The following CAB39L variants were observed in gnomAD, a reference collection of about 807,000 sequenced individuals.
CAB39L encodes the protein calcium-binding protein 39-like.
In CAB39L, 23 loss-of-function variants were observed where a neutral mutation model predicts 39.1. The observed-to-expected ratio is 0.59, with a 90% confidence interval of 0.42 to 0.83. The LOEUF is 0.83. CAB39L is among the 40% of genes least tolerant of loss of function. The pLI, the probability that CAB39L is intolerant of heterozygous loss-of-function variation, is 0.00. For missense variants in CAB39L, 366 were observed against 391.9 expected (o/e 0.93, Z 0.56); for synonymous variants, 126 against 137.2 (o/e 0.92, Z 0.57).
intron 3 of CAB39L, chr13:49,413,186 A>G (rs1957025609): frequency 6.6e-6 from 1 of 152,230 alleles, no homozygotes; most frequent in South Asian, 2.1e-4. Flanking sequence ...AGTTTTGAAG[A>G]AAATACAAAA....
intron 3 of CAB39L, among the ~76,000 whole-genome samples, chr13:49,416,864 C>T (rs1594082591): frequency 6.6e-6 from 1 of 152,128 alleles, no homozygotes; most frequent in East Asian, 1.9e-4. Flanking sequence ...AAAACACACA[C>T]TGAGAATTAG....
At chr13:49,334,646 G>T (rs893238597) in intron 9 of CAB39L, among the ~76,000 whole-genome samples, 1 of 152,144 alleles carries the variant, frequency 6.6e-6, no homozygotes, top group Admixed American at 6.5e-5. Flanking sequence ...CTCCATAAGG[G>T]CGTGTTTCAA....
chr13:49,380,345 C>G (rs79427135), intron 4 of CAB39L, among the ~76,000 whole-genome samples: 5 of 152,288 alleles, frequency 3.3e-5, no homozygotes, highest in African/African-American at 1.2e-4. Context: ...TGTCAAAACT[C>G]ATAAGCTTTC....
At chr13:49,363,980 T>C (rs1277975552) in intron 5 of CAB39L, among the ~76,000 whole-genome samples, 1 of 151,868 alleles carries the variant, frequency 6.6e-6, no homozygotes, top group African/African-American at 2.4e-5. Context: ...AGATATTCCA[T>C]GCTAATGAAA....
intron 4 of CAB39L, among the ~76,000 whole-genome samples, chr13:49,379,904 C>T (rs1956216794): frequency 1.3e-5 from 2 of 150,298 alleles, no homozygotes; most frequent in Admixed American, 1.3e-4. Context: ...TGCAGTGGCA[C>T]AATCTTGGCT....
At chr13:49,405,077 G>T (rs2138666806) in intron 3 of CAB39L, among the ~76,000 whole-genome samples, 1 of 152,126 alleles carries the variant, frequency 6.6e-6, no homozygotes, top group African/African-American at 2.4e-5. Context: ...GTATGAGAAG[G>T]TTATAGAACA....
intron 3 of CAB39L, among the ~76,000 whole-genome samples, chr13:49,422,230 A>C (rs1206556971): frequency 6.6e-6 from 1 of 152,132 alleles, no homozygotes; most frequent in Non-Finnish European, 1.5e-5. Flanking sequence ...TAAAGGAAAG[A>C]GTTAAGTATT....
At chr13:49,412,788 C>G (rs1957014261) in intron 3 of CAB39L, 2 of 152,180 alleles carry the variant, frequency 1.3e-5, no homozygotes, top group Non-Finnish European at 2.9e-5. Flanking sequence ...AAGGAGCCTG[C>G]AACCTAGATC....
intron 5 of CAB39L, among the ~76,000 whole-genome samples, chr13:49,366,909 G>C (rs112114063): frequency 2.6e-5 from 4 of 151,930 alleles, no homozygotes; most frequent in Non-Finnish European, 5.9e-5. Flanking sequence ...CCAGCTACTC[G>C]GGAAGCTGAG....
intron 3 of CAB39L, among the ~76,000 whole-genome samples, chr13:49,413,363 T>C (rs1037307219): frequency 8.5e-5 from 13 of 152,176 alleles, no homozygotes; most frequent in African/African-American, 2.9e-4. Context: ...AAACAACATA[T>C]TTCCTGAGGA....
At chr13:49,366,766 A>C (rs1023935805) in intron 5 of CAB39L, among the ~76,000 whole-genome samples, 3 of 152,076 alleles carry the variant, frequency 2.0e-5, no homozygotes, top group African/African-American at 7.2e-5. Flanking sequence ...ATGTAATCCC[A>C]GCACTTTAGG....
At chr13:49,337,002 A>AT (rs1420638397) in intron 9 of CAB39L, among the ~76,000 whole-genome samples, 1 of 152,198 alleles carries the variant, frequency 6.6e-6, no homozygotes, top group African/African-American at 2.4e-5. Context: ...GGGAAACTCA[A>AT]TAAAAAGTGC....
chr13:49,311,154 T>G (rs1349301617), intron 10 of CAB39L, among the ~76,000 whole-genome samples, 161 bp from the exon 11 acceptor site: 1 of 152,142 alleles, frequency 6.6e-6, no homozygotes, highest in Non-Finnish European at 1.5e-5. Flanking sequence ...GTGAGGGTGA[T>G]CAATACAGTC....
intron 3 of CAB39L, among the ~76,000 whole-genome samples, chr13:49,384,130 T>C (rs1460034864): frequency 1.3e-5 from 2 of 152,238 alleles, no homozygotes; most frequent in Admixed American, 1.3e-4. Context: ...GTCAGTCCTC[T>C]CAAAACCTGC....
intron 6 of CAB39L, among the ~76,000 whole-genome samples, chr13:49,351,378 G>C (rs557879277): frequency 2.6e-5 from 4 of 151,320 alleles, no homozygotes; most frequent in South Asian, 4.2e-4. Flanking sequence ...CTGTTCAAAG[G>C]CTCCATGGCA....
chr13:49,432,069 T>G (rs886316785), intron 3 of CAB39L, among the ~76,000 whole-genome samples: 1 of 152,236 alleles, frequency 6.6e-6, no homozygotes, highest in Non-Finnish European at 1.5e-5. Flanking sequence ...CTTTTTTTAA[T>G]GTACCTGGTC....
At chr13:49,378,078 G>A (rs1594020310) in intron 4 of CAB39L, among the ~76,000 whole-genome samples, 1 of 74,434 alleles carries the variant, frequency 1.3e-5, no homozygotes, top group Admixed American at 1.1e-4. Flanking sequence ...GTCTCTGCCC[G>A]GCCGCCCCGT....
intron 3 of CAB39L, among the ~76,000 whole-genome samples, chr13:49,403,153 T>C (rs1323008697): frequency 1.3e-5 from 2 of 152,170 alleles, no homozygotes; most frequent in African/African-American, 4.8e-5. Context: ...TGTTTGTATA[T>C]TTAATTCCTA....
chr13:49,411,033 T>A (rs1041788853), intron 3 of CAB39L, among the ~76,000 whole-genome samples: 2 of 152,204 alleles, frequency 1.3e-5, no homozygotes, highest in Non-Finnish European at 2.9e-5. Context: ...CTGTACTCAT[T>A]CTAAACATGT....
Sources: gnomAD v4.1 joint callset for allele counts (sites outside exome capture counted in the v4.1 genomes callset) on GRCh38, gnomAD v4.1.1 for gene constraint, MANE v1.5 for transcripts, NCBI Gene and HGNC (gene_info 2026-07-23, HGNC 2026-07-21) for gene names.